The following ATG4C variants were observed in gnomAD, a reference collection of about 807,000 sequenced individuals.
The protein encoded by ATG4C is autophagy related 4C cysteine peptidase, also known as cysteine protease ATG4C.
Under a neutral mutation model 57.6 loss-of-function variants are expected in ATG4C, and 56 were observed. The ratio of observed to expected loss-of-function variants is 0.97; its 90% CI spans 0.78 to 1.21. The LOEUF (loss-of-function observed/expected upper bound fraction) is 1.21. Among genes scored for constraint, ATG4C ranks in the 50% most tolerant of loss-of-function variants. ATG4C has a pLI of 0.00. For missense variants in ATG4C, 595 were observed against 529.8 expected (o/e 1.12, Z -1.21); for synonymous variants, 157 against 174.1 (o/e 0.90, Z 0.78).
Position 62,821,156 on chromosome 1 carries a change from C to G in ATG4C, c.743C>G (p.Ala248Gly), listed in dbSNP as rs867449557. 1 of 1,600,520 alleles carries G rather than the reference C, an allele frequency of 6.2e-7. No individual in the cohort carries two copies. The highest frequency in any genetic ancestry group is 1.1e-5 in the South Asian group (1 of 88,454). The part of the protein sequence containing the change: ...AHILRKAVEE[A>G]RHPDLQGITI... The stretch of plus-strand genomic sequence containing the variant: ...TTTCTCAGAAAAGCAGTTGAAGAAG[C>G]AAGGCATCCTGATTTACAAGGAATA... Residue 248 changes from alanine (A) to glycine (G), a missense_variant, in exon 6 of 11, where the codon GCA becomes GGA. Coordinates refer to ENST00000317868, the MANE Select transcript of ATG4C (RefSeq NM_032852.4).
At chr1:62,821,431 G>A (rs1055310338) in intron 6 of ATG4C, among the ~76,000 whole-genome samples, 8 of 152,018 alleles carry the variant, frequency 5.3e-5, no homozygotes, top group Admixed American at 4.6e-4. Context: ...AAGAATTTCA[G>A]CATTTCAAAT....
rs917985400 is a variant in ATG4C at position 62,865,286 on chromosome 1, G to A, written c.*1127G>A. 1 of 151,720 alleles carries A rather than the reference G, an allele frequency of 6.6e-6. No individual in the cohort carries two copies. The highest frequency in any genetic ancestry group is 2.4e-5 in the African/African-American group (1 of 41,358). The allele number at this position is 151,720 out of a possible 1,614,324, so 9.4% of individuals were successfully genotyped here. On this transcript the variant is annotated 3_prime_UTR_variant, in exon 11 of 11. Transcript: ENST00000317868. ...CTGAAAACAATATTAATTTTTTTAAGTGGAGCTTTCATGTTTCAGTGTAGA... is the reference window on the plus strand; with the variant it reads ...CTGAAAACAATATTAATTTTTTTAAATGGAGCTTTCATGTTTCAGTGTAGA...
intron 10 of ATG4C, among the ~76,000 whole-genome samples, chr1:62,842,260 C>A (rs577628893): frequency 6.7e-6 from 1 of 149,812 alleles, no homozygotes; most frequent in East Asian, 2.0e-4. Flanking sequence ...GTTAGGCTAT[C>A]ATTTTATGGT....
chr1:62,798,624 T>C (rs1039041586), intron 1 of ATG4C, among the ~76,000 whole-genome samples: 14 of 152,142 alleles, frequency 9.2e-5, no homozygotes, highest in African/African-American at 3.4e-4. Context: ...AGTTAAGATT[T>C]TTAGAAACAG....
rs139203062 is a variant in ATG4C at position 62,828,267 on chromosome 1, G to C, written c.797-773G>C. 7.2e-5 allele frequency among the ~76,000 whole-genome samples: 11 copies of C among 152,206 alleles called. No individual in the cohort carries two copies. The East Asian group carries it at 2.1e-3, about 29-fold the overall frequency. ...GTTAAACTAATCTACACTCCCACCA[G>C]TGGTGTATGAGTATTCCCTTTTCTC... is the stretch of plus-strand genomic sequence containing the variant. On this transcript the variant is annotated intron_variant, in intron 6 of 10. Transcript: ENST00000317868.
intron 7 of ATG4C, among the ~76,000 whole-genome samples, chr1:62,833,334 A>G (rs1014793475): frequency 6.6e-6 from 1 of 152,136 alleles, no homozygotes; most frequent in Non-Finnish European, 1.5e-5. Context: ...AAACTTACTC[A>G]ATTGGACATG....
chr1:62,855,435 C>A (rs1666653303), intron 10 of ATG4C, among the ~76,000 whole-genome samples: 2 of 151,916 alleles, frequency 1.3e-5, no homozygotes, highest in Admixed American at 1.3e-4. Flanking sequence ...ATTACCTGTT[C>A]ATTGTTAAAC....
rs199990895 is a variant in ATG4C, at chr1:62,803,503, G to GT, written c.-68-210dup. The stretch of plus-strand genomic sequence containing the variant: ...TATTGTTGTATATTTGTTAGTAAAG[G>GT]TTTTTTGTAATTAAAATATAGAATA... On this transcript the variant is annotated intron_variant, in intron 1 of 10. Transcript: ENST00000317868. Among the ~76,000 whole-genome samples the GT allele has an allele frequency of 8.7e-3, 1,323 of 152,040 alleles. 29 individuals carry two copies. The highest frequency in any genetic ancestry group is 0.03 in the African/African-American group (1,261 of 41,464).
chr1:62,835,978 T>C (rs1393711610), intron 9 of ATG4C, among the ~76,000 whole-genome samples: 4 of 152,048 alleles, frequency 2.6e-5, no homozygotes, highest in Non-Finnish European at 5.9e-5. Flanking sequence ...TTATAAACAG[T>C]AGGTACTTGA....
In ATG4C at chr1:62,829,053, T is replaced by G. The variant is rs1275299305; in HGVS notation, c.810T>G (p.Asp270Glu). The G allele has an allele frequency of 1.3e-5, 21 of 1,609,864 alleles. No individual in the cohort carries two copies. The East Asian group carries it at 4.5e-4, about 34-fold the overall frequency. The change falls in exon 7 of 11, where the codon GAT (aspartate) becomes GAG (glutamate). Residue 270 changes from aspartate (D) to glutamate (E), a missense_variant. Physicochemically the swap from Asp to Glu is conservative, Grantham distance 45. Transcript: ENST00000317868. ...VAQDCTVYNS[D>E]VIDKQSASMT... ...TGTTTTTCTCAGTTTACAATTCTGA[T>G]GTAATTGATAAACAGAGTGCTTCCA...
At chr1:62,847,084 C>G (rs1030426835) in intron 10 of ATG4C, among the ~76,000 whole-genome samples, 18 of 152,116 alleles carry the variant, frequency 1.2e-4, no homozygotes, top group Admixed American at 3.9e-4. Flanking sequence ...GGCTGAGGCA[C>G]GAAAATCACT....
chr1:62,816,619 G>T lies in ATG4C; in HGVS notation c.205G>T (p.Asp69Tyr), dbSNP rs1229778713. The T allele has an allele frequency of 5.0e-6, 8 of 1,613,522 alleles. No homozygotes were observed. The highest frequency in any genetic ancestry group is 5.1e-6 in the Non-Finnish European group (6 of 1,179,776). ...TGCAGAGTCGGGATGTACAATAGAGGATCACGTAATTGCAGGAAATGTAGA... is the reference window on the plus strand; with the variant it reads ...TGCAGAGTCGGGATGTACAATAGAGTATCACGTAATTGCAGGAAATGTAGA... ...LPAESGCTIEDHVIAGNVEEF... is the reference protein window; with the variant it reads ...LPAESGCTIEYHVIAGNVEEF... Residue 69 changes from aspartate to tyrosine, a missense_variant, in exon 4 of 11, where the codon GAT becomes TAT. Transcript: ENST00000317868.
At chr1:62,801,967 AAAAAAAAAAAAAAAAAAAGAAAAAAAG>A in intron 1 of ATG4C, among the ~76,000 whole-genome samples, 1 of 132,586 alleles carries the variant, frequency 7.5e-6, no homozygotes, top group Non-Finnish European at 1.5e-5. Context: ...CCAAAAAAAA[AAAAAAAAAAAAAAAAAAAGAAAAAAAG>A]AAAAGAACTA....
intron 10 of ATG4C, among the ~76,000 whole-genome samples, chr1:62,850,825 G>T (rs1203346053): frequency 1.1e-4 from 15 of 130,972 alleles, no homozygotes; most frequent in Non-Finnish European, 6.5e-5. Flanking sequence ...ATATTCTGCT[G>T]TATCATGTAT....
At chr1:62,847,968 G>A (rs1666380458) in intron 10 of ATG4C, among the ~76,000 whole-genome samples, 1 of 152,164 alleles carries the variant, frequency 6.6e-6, no homozygotes, top group South Asian at 2.1e-4. Context: ...ATTTAACACT[G>A]TGTCTAATCT....
intron 10 of ATG4C, among the ~76,000 whole-genome samples, chr1:62,843,455 G>T (rs1404149570): frequency 6.6e-6 from 1 of 152,014 alleles, no homozygotes; most frequent in Non-Finnish European, 1.5e-5. Flanking sequence ...TTAAGCACTT[G>T]CCTTTTTTTC....
intron 1 of ATG4C, among the ~76,000 whole-genome samples, chr1:62,789,224 T>C (rs1409040259): frequency 6.6e-6 from 1 of 152,240 alleles, no homozygotes; most frequent in African/African-American, 2.4e-5. Flanking sequence ...CTCTTTTTTA[T>C]TTTAGTATCA....
chr1:62,831,343 T>C (rs1007521132), intron 7 of ATG4C, among the ~76,000 whole-genome samples: 3 of 152,190 alleles, frequency 2.0e-5, no homozygotes, highest in Non-Finnish European at 2.9e-5. Flanking sequence ...TTTTTCCTTT[T>C]TTTCATGTAT....
chr1:62,790,847 G>A (rs187218503), intron 1 of ATG4C, among the ~76,000 whole-genome samples: 1 of 152,296 alleles, frequency 6.6e-6, no homozygotes, highest in Non-Finnish European at 1.5e-5. Context: ...AATTGTGTTT[G>A]TGAACATTTT....
Sources: allele counts gnomAD v4.1 joint callset (sites outside exome capture counted in the v4.1 genomes callset), GRCh38; gene constraint gnomAD v4.1.1; transcripts MANE v1.5; gene names NCBI Gene and HGNC (gene_info 2026-07-23, HGNC 2026-07-21).